Variants in VWA7 observed in about 807,000 individuals in gnomAD.
The protein encoded by VWA7 is von Willebrand factor A domain-containing protein 7.
Under a neutral mutation model 83.1 loss-of-function variants are expected in VWA7, and 66 were observed. The observed-to-expected ratio is 0.79, with a 90% CI of 0.65 to 0.98. The LOEUF (loss-of-function observed/expected upper bound fraction) is 0.98. Ranked by LOEUF, VWA7 falls within the 50% of genes least tolerant of loss-of-function variation. The probability of loss-of-function intolerance (pLI) is 0.00; values close to 1 mark genes in which losing one functional copy is unlikely to be tolerated. For synonymous variants in VWA7, 424 were observed against 488.5 expected, an observed-to-expected ratio of 0.87 and a Z score of 1.74; for missense variants, 1,080 against 1,160.2, an observed-to-expected ratio of 0.93 and a Z score of 1.00.
chr6:31,774,729 C>T (rs1812528694), intron 4 of VWA7, 103 bp from the exon 5 acceptor site: 10 of 924,538 alleles, frequency 1.1e-5, no homozygotes, highest in Admixed American at 8.3e-5. Flanking sequence ...TGGGATGAGG[C>T]GAACACCCAG....
At chr6:31,774,122 C>T (rs1812460040) in intron 5 of VWA7, among the ~76,000 whole-genome samples, 1 of 145,318 alleles carries the variant, frequency 6.9e-6, no homozygotes, top group African/African-American at 2.6e-5. Context: ...CCACTGTACT[C>T]CAGCCTGGGC....
Position 31,769,545 on chromosome 6 carries a change from C to T in VWA7, c.1317+130G>A. ...CAGGAAATGTTCCACTCATTGTCTG[C>T]TTCTCCCACCATATACCAAGGCTTG... On this transcript the variant is annotated intron_variant, in intron 9 of 16. Transcript: ENST00000375688. This position sits in a 1 kb window ranked among gnomAD's most constrained non-coding sequence, Gnocchi z 4.5. 1.2e-6 allele frequency: 1 copy of T among 828,102 alleles called. No homozygotes were observed. The highest frequency in any genetic ancestry group is 2.0e-6 in the Non-Finnish European group (1 of 501,648). 51.3% of individuals were successfully genotyped at this position (828,102 alleles called of 1,614,324 possible). A position where few individuals can be genotyped will look rare whatever the true frequency, so the allele number is the denominator to read the frequency against.
In VWA7 at chr6:31,775,096, A is replaced by T. The variant is rs1478740988; in HGVS notation, c.610+237T>A. Among the ~76,000 whole-genome samples the T allele has an allele frequency of 2.0e-5, 3 of 152,026 alleles. No homozygotes were observed. Among genetic ancestry groups the T allele is most frequent in the African/African-American group, 4.8e-5 (2 of 41,376 alleles). ...AGGCCCCATGGGAGTCAGTGCGGGG[A>T]GGAAGCCACACTTAAGACGGGACTG... On this transcript the variant is annotated intron_variant, in intron 4 of 16. Transcript: ENST00000375688. The surrounding 1 kb of genome is among the most constrained non-coding windows in gnomAD (Gnocchi z 5.9).
rs2151403619 is a variant in VWA7 at position 31,773,126 on chromosome 6, G to A, written c.918-3C>T. 1 of 1,610,090 alleles carries A rather than the reference G, an allele frequency of 6.2e-7. No individual in the cohort carries two copies. The highest frequency in any genetic ancestry group is 8.5e-7 in the Non-Finnish European group (1 of 1,178,792). On this transcript the variant is annotated splice_polypyrimidine_tract_variant and splice_region_variant and intron_variant, in intron 6 of 16. Transcript: ENST00000375688. This position sits in a 1 kb window ranked among gnomAD's most constrained non-coding sequence, Gnocchi z 5.3. ...AGGCTGGGGTGATGTCCAGCAGCCT[G>A]GGGAGCAAGCCAGAGACACAGTGAA...
In VWA7 at chr6:31,771,639, G is replaced by A. The variant is rs565238680; in HGVS notation, c.1087+1315C>T. The A allele has an allele frequency of 3.9e-5, 6 of 152,226 alleles. No homozygotes were observed. The East Asian group carries it at 1.2e-3, about 29-fold the overall frequency. The allele number at this position is 152,226 out of a possible 1,614,324, so 9.4% of individuals were successfully genotyped here. ...AGCTAGTTATCTCAGATGCTTCCCA[G>A]AAGCCTGGCCCCAACAACCCCATCT... On this transcript the variant is annotated intron_variant, in intron 7 of 16. Coordinates refer to ENST00000375688, the MANE Select transcript of VWA7 (RefSeq NM_025258.3).
At position 31,776,323 on chromosome 6, in the gene VWA7, T is replaced by G; in HGVS notation, c.235-81A>C. 2 of 1,542,974 alleles carry G rather than the reference T, an allele frequency of 1.3e-6. No individual in the cohort carries two copies. Among genetic ancestry groups the G allele is most frequent in the Admixed American group, 3.8e-5 (2 of 52,308 alleles). On this transcript the variant is annotated intron_variant, in intron 2 of 16. Coordinates refer to ENST00000375688, the MANE Select transcript of VWA7 (RefSeq NM_025258.3). The surrounding 1 kb of genome is among the most constrained non-coding windows in gnomAD (Gnocchi z 6.2). ...CCCACCTTATCTCAGCAACTGACAC[T>G]CAAGGCTGGGTATGAGGGTCCTGAG...
Position 31,776,246 on chromosome 6 carries a change from G to C in VWA7, c.235-4C>G, listed in dbSNP as rs776298204. ...CATCAGCAAGGAGTGTTCGACCCTG[G>C]GGAGAATAGCGGGCGACGGGGCTCC... On this transcript the variant is annotated splice_polypyrimidine_tract_variant and splice_region_variant and intron_variant, in intron 2 of 16. Coordinates refer to ENST00000375688, the MANE Select transcript of VWA7 (RefSeq NM_025258.3). The surrounding 1 kb of genome is among the most constrained non-coding windows in gnomAD (Gnocchi z 6.2). 2 of 1,609,798 alleles carry C rather than the reference G, an allele frequency of 1.2e-6. No homozygotes were observed. The highest frequency in any genetic ancestry group is 4.5e-5 in the East Asian group (2 of 44,780).
chr6:31,769,353 T>G lies in VWA7; in HGVS notation c.1318-150A>C. 1.0e-6 allele frequency: 1 copy of G among 1,004,984 alleles called. No individual in the cohort carries two copies. Among genetic ancestry groups the G allele is most frequent in the South Asian group, 1.7e-5 (1 of 59,246 alleles). 62.3% of individuals were successfully genotyped at this position (1,004,984 alleles called of 1,614,324 possible). On this transcript the variant is annotated intron_variant, in intron 9 of 16. Coordinates refer to ENST00000375688, the MANE Select transcript of VWA7 (RefSeq NM_025258.3). This position sits in a 1 kb window ranked among gnomAD's most constrained non-coding sequence, Gnocchi z 4.5. ...TGGCTGCTGGGGTGGGGAATCCCAATGACAGAACCCCCTGCCTTCAGTTAG... is the reference window on the plus strand; with the variant it reads ...TGGCTGCTGGGGTGGGGAATCCCAAGGACAGAACCCCCTGCCTTCAGTTAG...
At position 31,767,443 on chromosome 6, in the gene VWA7, C is replaced by A; in HGVS notation, c.1708G>T (p.Val570Leu). 2 of 1,613,062 alleles carry A rather than the reference C, an allele frequency of 1.2e-6. No homozygotes were observed. Among genetic ancestry groups the A allele is most frequent in the Non-Finnish European group, 1.7e-6 (2 of 1,179,924 alleles). Residue 570 changes from valine to leucine, a missense_variant, in exon 12 of 17, where the codon GTG becomes TTG. Transcript: ENST00000375688. ...GTCTGTGGAGGGTCATCCATGGTCA[C>A]CATCCAGAACTGCCCAAAGCGGCGA... ...HTRRFGQFWM[V>L]TMDDPPQTGT... is the part of the protein sequence containing the mutation.
chr6:31,766,870 G>T lies in VWA7; in HGVS notation c.1883-106C>A, dbSNP rs1811645024. 2.3e-6 allele frequency: 3 copies of T among 1,287,878 alleles called. No homozygotes were observed. The highest frequency in any genetic ancestry group is 3.1e-6 in the Non-Finnish European group (3 of 953,064). 79.8% of individuals were successfully genotyped at this position (1,287,878 alleles called of 1,614,324 possible). On this transcript the variant is annotated intron_variant, in intron 13 of 16. Transcript: ENST00000375688. This position sits in a 1 kb window ranked among gnomAD's most constrained non-coding sequence, Gnocchi z 4.9. ...GGTTCCCTCTGGGGAGTATGGATGGGAAAATAGGTTACCTTCGAGGGGTAT... is the reference window on the plus strand; with the variant it reads ...GGTTCCCTCTGGGGAGTATGGATGGTAAAATAGGTTACCTTCGAGGGGTAT...
In VWA7 at chr6:31,777,180, T is replaced by G; in HGVS notation, c.-87A>C. 1 of 367,690 alleles carries G rather than the reference T, an allele frequency of 2.7e-6. No individual in the cohort carries two copies. Among genetic ancestry groups the G allele is most frequent in the Non-Finnish European group, 4.9e-6 (1 of 202,372 alleles). The allele number at this position is 367,690 out of a possible 1,614,324, so 22.8% of individuals were successfully genotyped here. A position where few individuals can be genotyped will look rare whatever the true frequency, so the allele number is the denominator to read the frequency against. On this transcript the variant is annotated 5_prime_UTR_variant, in exon 1 of 17. Coordinates refer to ENST00000375688, the MANE Select transcript of VWA7 (RefSeq NM_025258.3). This position sits in a 1 kb window ranked among gnomAD's most constrained non-coding sequence, Gnocchi z 5.8. ...CAGGGCACTTAGGTCAGAGTTATAA[T>G]TAACCGAGGCTCAGCAGAGGGGGAG...
intron 10 of VWA7, among the ~76,000 whole-genome samples, chr6:31,768,232 G>A (rs1331871208): frequency 2.0e-5 from 3 of 151,940 alleles, no homozygotes; most frequent in Admixed American, 6.6e-5. Flanking sequence ...AGAGGGGCAC[G>A]GGGCCAGGGA....
chr6:31,767,280 T>C, intron 12 of VWA7, 30 bp from the exon 13 acceptor site: 1 of 1,612,456 alleles, frequency 6.2e-7, no homozygotes, highest in Non-Finnish European at 8.5e-7. Context: ...GTCAGAGCCC[T>C]TCCTGAAAGG....
chr6:31,777,184 C>T lies in VWA7; in HGVS notation c.-91G>A. On this transcript the variant is annotated 5_prime_UTR_variant, in exon 1 of 17. Coordinates refer to ENST00000375688, the MANE Select transcript of VWA7 (RefSeq NM_025258.3). This position sits in a 1 kb window ranked among gnomAD's most constrained non-coding sequence, Gnocchi z 5.8. Reference sequence around the variant, plus strand: ...GCACTTAGGTCAGAGTTATAATTAACCGAGGCTCAGCAGAGGGGGAGGAAG... The same window carrying T: ...GCACTTAGGTCAGAGTTATAATTAATCGAGGCTCAGCAGAGGGGGAGGAAG... 1 of 370,592 alleles carries T rather than the reference C, an allele frequency of 2.7e-6. No homozygotes were observed. The highest frequency in any genetic ancestry group is 5.3e-5 in the South Asian group (1 of 18,746). 23.0% of individuals were successfully genotyped at this position (370,592 alleles called of 1,614,324 possible).
rs1811958484 is a variant in VWA7 at position 31,769,487 on chromosome 6, G to C, written c.1317+188C>G. Among the ~76,000 whole-genome samples, 1 of 152,188 alleles carries C rather than the reference G, an allele frequency of 6.6e-6. No individual in the cohort carries two copies. Among genetic ancestry groups the C allele is most frequent in the Non-Finnish European group, 1.5e-5 (1 of 68,040 alleles). ...CAAATAAAAATTCAGCGTTATTAAG[G>C]GTAGGGCCTCTTACGTATATCATTA... On this transcript the variant is annotated intron_variant, in intron 9 of 16. Transcript: ENST00000375688. The surrounding 1 kb of genome is among the most constrained non-coding windows in gnomAD (Gnocchi z 4.5).
chr6:31,773,536 C>G lies in VWA7; in HGVS notation c.722-99G>C. ...GGCCTGGCCTGACCCTCTCACCCCT[C>G]AGCAAGGGTTCAGCAAGAAATGATG... On this transcript the variant is annotated intron_variant, in intron 5 of 16. Coordinates refer to ENST00000375688, the MANE Select transcript of VWA7 (RefSeq NM_025258.3). This position sits in a 1 kb window ranked among gnomAD's most constrained non-coding sequence, Gnocchi z 5.3. 8.3e-7 allele frequency: 1 copy of G among 1,211,314 alleles called. No homozygotes were observed. The highest frequency in any genetic ancestry group is 1.1e-6 in the Non-Finnish European group (1 of 889,376). The allele number at this position is 1,211,314 out of a possible 1,614,324, so 75.0% of individuals were successfully genotyped here.
At position 31,773,051 on chromosome 6, in the gene VWA7, G is replaced by A. The variant is rs368204071; in HGVS notation, c.990C>T (p.Ile330=). 3 of 1,612,362 alleles carry A rather than the reference G, an allele frequency of 1.9e-6. No individual in the cohort carries two copies. Among genetic ancestry groups the A allele is most frequent in the Non-Finnish European group, 2.5e-6 (3 of 1,179,838 alleles). Residue 330 remains isoleucine (I), a synonymous_variant, in exon 7 of 17, where the codon ATC becomes ATT. Transcript: ENST00000375688. The surrounding 1 kb of genome is among the most constrained non-coding windows in gnomAD (Gnocchi z 5.3). ...LDTTGSMGEE[I]NAAKIQARHL... The stretch of plus-strand genomic sequence containing the variant: ...GGCGAGCCTGGATTTTGGCAGCGTT[G>A]ATCTCCTCACCCATGCTGCCCGTGG...
Position 31,769,962 on chromosome 6 carries a change from G to A in VWA7, c.1200+39C>T, listed in dbSNP as rs779388388. 1 of 1,594,834 alleles carries A rather than the reference G, an allele frequency of 6.3e-7. No homozygotes were observed. Among genetic ancestry groups the A allele is most frequent in the South Asian group, 1.1e-5 (1 of 90,522 alleles). On this transcript the variant is annotated intron_variant, in intron 8 of 16. Coordinates refer to ENST00000375688, the MANE Select transcript of VWA7 (RefSeq NM_025258.3). The surrounding 1 kb of genome is among the most constrained non-coding windows in gnomAD (Gnocchi z 4.5). ...CAGGAGGGATCTAGCTCCCCCTGGTGGTGGGGCCAGGAAACGGGGAAGAAG... is the reference window on the plus strand; with the variant it reads ...CAGGAGGGATCTAGCTCCCCCTGGTAGTGGGGCCAGGAAACGGGGAAGAAG...
At position 31,775,985 on chromosome 6, in the gene VWA7, C is replaced by T; in HGVS notation, c.492G>A (p.Gly164=). ...TCACCTGCAGGGCATGAAGTGCAGC[C>T]CCGAGGCGCTGGCGAGCCAGGGTGT... is the stretch of plus-strand genomic sequence containing the variant. ...LDHTLARQRL[G]AALHALQDFY... The change falls in exon 3 of 17, where the codon GGG becomes GGA. Residue 164 remains glycine (G), a synonymous_variant. Coordinates refer to ENST00000375688, the MANE Select transcript of VWA7 (RefSeq NM_025258.3). This position sits in a 1 kb window ranked among gnomAD's most constrained non-coding sequence, Gnocchi z 5.9. 5 of 1,611,496 alleles carry T rather than the reference C, an allele frequency of 3.1e-6. No individual in the cohort carries two copies. The highest frequency in any genetic ancestry group is 4.2e-6 in the Non-Finnish European group (5 of 1,179,336).
Sources: allele counts gnomAD v4.1 joint callset (sites outside exome capture counted in the v4.1 genomes callset), GRCh38; gene constraint gnomAD v4.1.1; non-coding constraint Gnocchi (gnomAD v3.1); transcripts MANE v1.5; gene names NCBI Gene and HGNC (gene_info 2026-07-23, HGNC 2026-07-21).